The following ADIPOR1 variants were observed in gnomAD, a reference collection of about 807,000 sequenced individuals.
The protein encoded by ADIPOR1 is adiponectin receptor 1.
Under a neutral mutation model 37.5 loss-of-function variants are expected in ADIPOR1, and 15 were observed. The observed-to-expected ratio is 0.40, with a 90% CI of 0.27 to 0.62. ADIPOR1 has a LOEUF of 0.62. Among genes scored for constraint, ADIPOR1 ranks in the 20% least tolerant of loss-of-function variants. ADIPOR1 has a pLI of 0.42. For synonymous variants in ADIPOR1, 173 were observed against 173.2 expected (o/e 1.00, Z 0.01); for missense variants, 286 against 478.0 (o/e 0.60, Z 3.75).
chr1:202,941,962 AGCCCTTTAACTTTGG>A (rs780530139), intron 7 of ADIPOR1, 48 bp downstream of exon 7: 35 of 1,513,328 alleles, frequency 2.3e-5, no homozygotes, highest in Non-Finnish European at 3.1e-5. Flanking sequence ...CCTTTTCCTC[AGCCCTTTAACTTTGG>A]GCTGTTCACT....
upstream of ADIPOR1, chr1:202,958,491 G>A (rs1654877547): frequency 6.5e-6 from 1 of 152,876 alleles, no homozygotes; most frequent in South Asian, 1.8e-4. Flanking sequence ...GCCGCAGCCA[G>A]GTAACCTCCA....
At chr1:202,951,260 A>G (rs567706596) in intron 1 of ADIPOR1, 96 bp from the exon 2 acceptor site, 340 of 619,218 alleles carry the variant, frequency 5.5e-4, no homozygotes, top group Non-Finnish European at 8.1e-4. Flanking sequence ...ATCAACTCAT[A>G]TCCTGTCCCC....
intron 1 of ADIPOR1, chr1:202,954,443 G>A (rs1423906508): frequency 6.6e-6 from 1 of 152,198 alleles, no homozygotes; most frequent in Non-Finnish European, 1.5e-5. Context: ...AATTACAAGT[G>A]TGTTTTAGTC....
chr1:202,948,796 CTTT>C (rs11335076), intron 2 of ADIPOR1, among the ~76,000 whole-genome samples: 2 of 141,284 alleles, frequency 1.4e-5, no homozygotes, highest in Non-Finnish European at 1.6e-5. Flanking sequence ...TTCTTTCTTT[CTTT>C]TTTTTTTTTT....
chr1:202,950,296 G>A (rs958262261), intron 2 of ADIPOR1, among the ~76,000 whole-genome samples: 1 of 151,698 alleles, frequency 6.6e-6, no homozygotes, highest in East Asian at 2.0e-4. Context: ...AGAGTTGGCC[G>A]GGCACAGTGG....
chr1:202,955,181 G>A (rs1382331346), intron 1 of ADIPOR1, among the ~76,000 whole-genome samples: 1 of 151,988 alleles, frequency 6.6e-6, no homozygotes, highest in African/African-American at 2.4e-5. Flanking sequence ...AGACTCTGAA[G>A]TGGAAAAACA....
intron 2 of ADIPOR1, among the ~76,000 whole-genome samples, chr1:202,949,839 T>G (rs1426455256): frequency 1.3e-5 from 2 of 152,176 alleles, no homozygotes; most frequent in Non-Finnish European, 1.5e-5. Context: ...ACGGTTTTGT[T>G]CAGGGTGGCA....
chr1:202,945,235 T>C, intron 4 of ADIPOR1, 66 bp from the exon 5 acceptor site: 2 of 1,383,812 alleles, frequency 1.4e-6, no homozygotes, highest in Non-Finnish European at 1.9e-6. Flanking sequence ...TGATGGTTGA[T>C]GTTTTTGAAT....
intron 3 of ADIPOR1, among the ~76,000 whole-genome samples, chr1:202,947,678 C>A (rs12045862): frequency 9.9e-5 from 15 of 152,000 alleles, no homozygotes; most frequent in African/African-American, 3.4e-4. Flanking sequence ...TGTCTCATCC[C>A]TCCCCCAATT....
At chr1:202,942,324 T>G in intron 6 of ADIPOR1, 106 bp from the exon 7 acceptor site, 1 of 1,082,538 alleles carries the variant, frequency 9.2e-7, no homozygotes. Flanking sequence ...TAGCTATTTT[T>G]GGATGAATAG....
rs1479120400 is a variant in ADIPOR1 at position 202,948,400 on chromosome 1, G to A, written c.162C>T (p.Cys54=). ...NPPKAEEEQT[C]PVPQEEEEEV... ...CCTCCTCTTCTTCCTGGGGCACTGGGCATGTTTGCTCTTCTTCAGCCTATG... is the reference window on the plus strand; with the variant it reads ...CCTCCTCTTCTTCCTGGGGCACTGGACATGTTTGCTCTTCTTCAGCCTATG... The change falls in exon 3 of 8, where the codon TGC becomes TGT. Residue 54 remains cysteine, a synonymous_variant. Transcript: ENST00000340990. 3 of 1,613,668 alleles carry A rather than the reference G, an allele frequency of 1.9e-6. No homozygotes were observed. The highest frequency in any genetic ancestry group is 2.2e-5 in the East Asian group (1 of 44,870).
chr1:202,957,833 TTAA>T (rs1654842676), intron 1 of ADIPOR1, among the ~76,000 whole-genome samples: 1 of 152,080 alleles, frequency 6.6e-6, no homozygotes, highest in African/African-American at 2.4e-5. Flanking sequence ...GGGGCCAGGC[TTAA>T]CTCTGGCTCT....
chr1:202,957,827 C>A (rs773462161), intron 1 of ADIPOR1, among the ~76,000 whole-genome samples: 10 of 152,170 alleles, frequency 6.6e-5, no homozygotes, highest in Non-Finnish European at 1.5e-4. Flanking sequence ...GGCCTCGGGG[C>A]CAGGCTTAAC....
At chr1:202,954,537 C>T (rs559159155) in intron 1 of ADIPOR1, among the ~76,000 whole-genome samples, 1 of 152,302 alleles carries the variant, frequency 6.6e-6, no homozygotes, top group African/African-American at 2.4e-5. Context: ...TATGTCCTTA[C>T]GTATTTTAGA....
At chr1:202,956,520 A>G (rs1654790043) in intron 1 of ADIPOR1, among the ~76,000 whole-genome samples, 3 of 152,164 alleles carry the variant, frequency 2.0e-5, no homozygotes. Flanking sequence ...TAAATGGGGG[A>G]AATAACTTTC....
At chr1:202,950,091 T>C (rs1654507173) in intron 2 of ADIPOR1, among the ~76,000 whole-genome samples, 1 of 151,962 alleles carries the variant, frequency 6.6e-6, no homozygotes, top group Non-Finnish European at 1.5e-5. Context: ...GCCTCCCGAG[T>C]AGCTGGGATT....
intron 1 of ADIPOR1, among the ~76,000 whole-genome samples, chr1:202,953,563 G>C (rs1281301444): frequency 6.6e-6 from 1 of 151,970 alleles, no homozygotes; most frequent in African/African-American, 2.4e-5. Context: ...AAGGGCTTAT[G>C]TGCATTTTCT....
chr1:202,944,080 C>T (rs1654207505), intron 5 of ADIPOR1, 135 bp from the exon 6 acceptor site: 5 of 757,312 alleles, frequency 6.6e-6, no homozygotes, highest in Non-Finnish European at 8.5e-6. Context: ...TGTAGACTCC[C>T]ATACAATCTA....
At chr1:202,942,981 G>A (rs186133488) in intron 6 of ADIPOR1, among the ~76,000 whole-genome samples, 13 of 150,268 alleles carry the variant, frequency 8.7e-5, no homozygotes, top group African/African-American at 2.0e-4. Flanking sequence ...TGATTCTCCC[G>A]CCTCAGCCTC....
Sources: allele counts gnomAD v4.1 joint callset (sites outside exome capture counted in the v4.1 genomes callset), GRCh38; gene constraint gnomAD v4.1.1; transcripts MANE v1.5; gene names NCBI Gene and HGNC (gene_info 2026-07-23, HGNC 2026-07-21).